Variants in RNF43 observed in about 807,000 individuals in gnomAD.
The protein encoded by RNF43 is ring finger protein 43.
Under a neutral mutation model 78.4 loss-of-function variants are expected in RNF43, and 37 were observed. The observed-to-expected ratio is 0.47, with a 90% confidence interval of 0.36 to 0.62. The LOEUF (loss-of-function observed/expected upper bound fraction) is 0.62, where lower values mean the gene tolerates loss of function less well. Ranked by LOEUF, RNF43 falls within the 20% of genes least tolerant of loss-of-function variation. The pLI is 0.00. For synonymous variants in RNF43, 347 were observed against 395.0 expected (o/e 0.88, Z 1.44); for missense variants, 774 against 1,007.9 (o/e 0.77, Z 3.14).
At chr17:58,407,069 A>ATTTTT (rs35270032) in intron 2 of RNF43, among the ~76,000 whole-genome samples, 5 of 74,182 alleles carry the variant, frequency 6.7e-5, no homozygotes, top group Non-Finnish European at 1.2e-4. Context: ...AGAGACCAGA[A>ATTTTT]TTTTTTTTTT....
At chr17:58,370,245 T>G (rs1243975232) in intron 3 of RNF43, among the ~76,000 whole-genome samples, 1 of 151,990 alleles carries the variant, frequency 6.6e-6, no homozygotes, top group African/African-American at 2.4e-5. Context: ...ATTTTTTGTA[T>G]TTTTAGTAGA....
chr17:58,364,782 C>T (rs556374615), intron 3 of RNF43, among the ~76,000 whole-genome samples: 64 of 152,372 alleles, frequency 4.2e-4, no homozygotes, highest in Non-Finnish European at 7.5e-4. Context: ...AGAGCCAGCG[C>T]TGGGACTTAC....
chr17:58,361,130 C>A (rs1479487555), intron 6 of RNF43, among the ~76,000 whole-genome samples, 186 bp from the exon 7 acceptor site: 1 of 152,252 alleles, frequency 6.6e-6, no homozygotes, highest in African/African-American at 2.4e-5. Flanking sequence ...CCAGTCCACC[C>A]ACCTGCTTAT....
In RNF43 at chr17:58,358,236, T is replaced by C. The variant is rs1972742412; in HGVS notation, c.1540A>G (p.Lys514Glu). ...ATGTCCACTCGCTGGGGATCCCCTTTAGGGCTGCAGTACACTAGGGGGTCA... is the reference window on the plus strand; with the variant it reads ...ATGTCCACTCGCTGGGGATCCCCTTCAGGGCTGCAGTACACTAGGGGGTCA... ...DFDPLVYCSP[K>E]GDPQRVDMQP... The change falls in exon 9 of 10, where the codon AAA becomes GAA. Residue 514 changes from lysine to glutamate, a missense_variant. By Grantham distance (56) the Lys-to-Glu change is moderately conservative. Coordinates refer to ENST00000407977, the MANE Select transcript of RNF43 (RefSeq NM_017763.6). This position sits in a 1 kb window ranked among gnomAD's most constrained non-coding sequence, Gnocchi z 6.2. 3 of 1,613,516 alleles carry C rather than the reference T, an allele frequency of 1.9e-6. No individual in the cohort carries two copies. The highest frequency in any genetic ancestry group is 1.7e-5 in the Admixed American group (1 of 59,954).
In RNF43 at chr17:58,358,586, CG is replaced by C; in HGVS notation, c.1189del (p.Arg397GlyfsTer22). ...HHRFPRAAHP[R>X]APGEQQRLAG... ...CAGGCGCTGCTGCTCTCCTGGAGCCCGGGGATGTGCAGCTCTGGGGAAGCGG... is the reference window on the plus strand; with the variant it reads ...CAGGCGCTGCTGCTCTCCTGGAGCCCGGGATGTGCAGCTCTGGGGAAGCGG... On this transcript the variant is annotated frameshift_variant, in exon 9 of 10. Transcript: ENST00000407977. LOFTEE classifies it high-confidence loss of function. This position sits in a 1 kb window ranked among gnomAD's most constrained non-coding sequence, Gnocchi z 6.2. 1 of 1,591,388 alleles carries C rather than the reference CG, an allele frequency of 6.3e-7. No homozygotes were observed. Among genetic ancestry groups the C allele is most frequent in the Non-Finnish European group, 8.6e-7 (1 of 1,168,120 alleles).
Position 58,360,379 on chromosome 17 carries a change from A to G in RNF43, c.850-128T>C. On this transcript the variant is annotated intron_variant, in intron 7 of 9. Coordinates refer to ENST00000407977, the MANE Select transcript of RNF43 (RefSeq NM_017763.6). This position sits in a 1 kb window ranked among gnomAD's most constrained non-coding sequence, Gnocchi z 4.3. ...CTACTTGTAAAAGACCTCACAGTAGAATAGGAATGGTATGAGCTTTGGCAT... is the reference window on the plus strand; with the variant it reads ...CTACTTGTAAAAGACCTCACAGTAGGATAGGAATGGTATGAGCTTTGGCAT... 1 of 677,022 alleles carries G rather than the reference A, an allele frequency of 1.5e-6. No homozygotes were observed. Among genetic ancestry groups the G allele is most frequent in the Non-Finnish European group, 2.6e-6 (1 of 385,772 alleles). 41.9% of individuals were successfully genotyped at this position (677,022 alleles called of 1,614,324 possible). A position where few individuals can be genotyped will look rare whatever the true frequency, so the allele number is the denominator to read the frequency against.
chr17:58,368,703 ACT>A (rs1177770939), intron 3 of RNF43, among the ~76,000 whole-genome samples: 2 of 147,682 alleles, frequency 1.4e-5, no homozygotes, highest in East Asian at 2.0e-4. Flanking sequence ...ACAGAGCAAG[ACT>A]CTGTCTCAAA....
chr17:58,415,348 G>A lies in RNF43; in HGVS notation c.230C>T (p.Pro77Leu). ...TGCCTGCATTAATTTTCCTTCTGCT[G>A]GAGTTATTTCAGCAACACCAGCAAA... Reference protein sequence around the residue: ...GVFAGVAEITPAEGKLMQSHP... With the variant: ...GVFAGVAEITLAEGKLMQSHP... The change falls in exon 2 of 10, where the codon CCA becomes CTA. Residue 77 changes from proline (P) to leucine (L), a missense_variant. By Grantham distance (98) the Pro-to-Leu change is moderately conservative. Transcript: ENST00000407977. The A allele has an allele frequency of 6.2e-7, 1 of 1,614,208 alleles. No homozygotes were observed. Among genetic ancestry groups the A allele is most frequent in the Non-Finnish European group, 8.5e-7 (1 of 1,180,016 alleles).
intron 2 of RNF43, among the ~76,000 whole-genome samples, chr17:58,376,632 G>A (rs1215034641): frequency 1.3e-5 from 2 of 152,156 alleles, no homozygotes; most frequent in African/African-American, 2.4e-5. Flanking sequence ...GCCAGGAAGC[G>A]GGCTCTTGAG....
Position 58,358,461 on chromosome 17 carries a change from T to C in RNF43, c.1315A>G (p.Arg439Gly). 6.2e-7 allele frequency: 1 copy of C among 1,613,958 alleles called. No individual in the cohort carries two copies. Among genetic ancestry groups the C allele is most frequent in the Non-Finnish European group, 8.5e-7 (1 of 1,179,946 alleles). The change falls in exon 9 of 10, where the codon AGG becomes GGG. Residue 439 changes from arginine to glycine, a missense_variant. Transcript: ENST00000407977. This position sits in a 1 kb window ranked among gnomAD's most constrained non-coding sequence, Gnocchi z 6.2. ...CCAGATCCACTGCTGTCAGGGGGCCTGGCCCGGCGTAGGGGCACTGGGCAA... is the reference window on the plus strand; with the variant it reads ...CCAGATCCACTGCTGTCAGGGGGCCCGGCCCGGCGTAGGGGCACTGGGCAA... Reference protein sequence around the residue: ...AACPVPLRRARPPDSSGSGES... With the variant: ...AACPVPLRRAGPPDSSGSGES...
At chr17:58,411,035 A>G (rs189806303) in intron 2 of RNF43, among the ~76,000 whole-genome samples, 1 of 152,328 alleles carries the variant, frequency 6.6e-6, no homozygotes, top group East Asian at 1.9e-4. Context: ...TAATACTTTG[A>G]CAGATATTAA....
chr17:58,369,091 A>G (rs555935796), intron 3 of RNF43, among the ~76,000 whole-genome samples: 14 of 151,056 alleles, frequency 9.3e-5, no homozygotes, highest in African/African-American at 2.0e-4. Flanking sequence ...ACACACACAC[A>G]CGCACACACA....
chr17:58,361,293 C>T (rs560872058), intron 6 of RNF43, among the ~76,000 whole-genome samples: 2 of 152,330 alleles, frequency 1.3e-5, no homozygotes, highest in East Asian at 3.9e-4. Context: ...ACCTGTCTTC[C>T]CCGTCTTCCC....
intron 2 of RNF43, among the ~76,000 whole-genome samples, chr17:58,398,417 A>G (rs2143632715): frequency 6.6e-6 from 1 of 152,288 alleles, no homozygotes; most frequent in South Asian, 2.1e-4. Flanking sequence ...TTTTTGATAT[A>G]TCTCTGGTTA....
downstream of RNF43, chr17:58,353,452 A>G (rs1972608796): frequency 5.0e-6 from 1 of 200,626 alleles, no homozygotes. Flanking sequence ...AAGCACAGTA[A>G]GAATCCAGTC....
At position 58,357,444 on chromosome 17, in the gene RNF43, A is replaced by G; in HGVS notation, c.2308+24T>C. On this transcript the variant is annotated intron_variant, in intron 9 of 9. Coordinates refer to ENST00000407977, the MANE Select transcript of RNF43 (RefSeq NM_017763.6). The surrounding 1 kb of genome is among the most constrained non-coding windows in gnomAD (Gnocchi z 4.5). ...AGCTGTAGTCTCCTCTCCCTACCAC[A>G]CCCACTTCCCTCTGAAAACTCACCA... The G allele has an allele frequency of 6.2e-7, 1 of 1,613,920 alleles. No individual in the cohort carries two copies. The highest frequency in any genetic ancestry group is 8.5e-7 in the Non-Finnish European group (1 of 1,179,970).
intron 6 of RNF43, among the ~76,000 whole-genome samples, chr17:58,361,379 T>C (rs1163988226): frequency 6.6e-6 from 1 of 152,214 alleles, no homozygotes; most frequent in East Asian, 1.9e-4. Flanking sequence ...AGTCCTCTCA[T>C]ATCCCACAAT....
intron 2 of RNF43, among the ~76,000 whole-genome samples, chr17:58,401,488 G>T (rs538755404): frequency 2.0e-5 from 3 of 152,186 alleles, no homozygotes; most frequent in African/African-American, 7.2e-5. Context: ...TGATTCCATT[G>T]TCTCTGCCAG....
chr17:58,375,716 T>C (rs1215803336), intron 2 of RNF43, among the ~76,000 whole-genome samples: 1 of 152,220 alleles, frequency 6.6e-6, no homozygotes, highest in Non-Finnish European at 1.5e-5. Flanking sequence ...GTGTTTTGCT[T>C]TGAATACTTT....
Sources: gnomAD v4.1 joint callset for allele counts (sites outside exome capture counted in the v4.1 genomes callset) on GRCh38, gnomAD v4.1.1 for gene constraint, Gnocchi (gnomAD v3.1) non-coding constraint, MANE v1.5 for transcripts, NCBI Gene and HGNC (gene_info 2026-07-23, HGNC 2026-07-21) for gene names.